The following MALRD1 variants were observed in gnomAD, a reference collection of about 807,000 sequenced individuals.
MALRD1 encodes the protein MAM and LDL receptor class A domain containing 1.
In MALRD1, 247 loss-of-function variants were observed where a neutral mutation model predicts 242.1. That is an observed-to-expected ratio of 1.02 (90% CI 0.92 to 1.13). The LOEUF is 1.13. Ranked by LOEUF, MALRD1 falls within the 50% of genes most tolerant of loss-of-function variation. The pLI, the probability that MALRD1 is intolerant of heterozygous loss-of-function variation, is 0.00. For synonymous variants in MALRD1, 995 were observed against 866.6 expected (o/e 1.15, Z -2.60); for missense variants, 2,989 against 2,533.1 (o/e 1.18, Z -3.86).
intron 11 of MALRD1, among the ~76,000 whole-genome samples, chr10:19,151,150 A>G (rs1833932488): frequency 6.6e-6 from 1 of 152,152 alleles, no homozygotes; most frequent in Admixed American, 6.5e-5. Context: ...GATTTCTCAT[A>G]TGTAATATTT....
intron 29 of MALRD1, among the ~76,000 whole-genome samples, chr10:19,474,430 T>G (rs890200888): frequency 1.4e-4 from 22 of 152,182 alleles, no homozygotes; most frequent in African/African-American, 5.1e-4. Context: ...AGTCTTTGTT[T>G]GCTATAATCT....
intron 14 of MALRD1, among the ~76,000 whole-genome samples, chr10:19,179,864 C>T (rs1332162768): frequency 6.6e-6 from 1 of 152,022 alleles, no homozygotes; most frequent in Admixed American, 6.6e-5. Flanking sequence ...ATATATTTTT[C>T]CACCTTTAAG....
chr10:19,176,535 C>T (rs1006827764), intron 14 of MALRD1, among the ~76,000 whole-genome samples: 18 of 149,140 alleles, frequency 1.2e-4, no homozygotes, highest in South Asian at 2.1e-4. Context: ...CCACCGCGCC[C>T]GGCTAATTTT....
At chr10:19,179,589 G>C (rs1333661329) in intron 14 of MALRD1, among the ~76,000 whole-genome samples, 1 of 152,098 alleles carries the variant, frequency 6.6e-6, no homozygotes, top group African/African-American at 2.4e-5. Flanking sequence ...CTGCATTACA[G>C]CCTGGGTGAC....
intron 18 of MALRD1, among the ~76,000 whole-genome samples, chr10:19,228,912 A>C (rs1217706631): frequency 6.6e-6 from 1 of 152,158 alleles, no homozygotes; most frequent in Non-Finnish European, 1.5e-5. Flanking sequence ...TTCAAAATGA[A>C]AAATTGAAAA....
chr10:19,414,847 C>T (rs1032162201), intron 28 of MALRD1, among the ~76,000 whole-genome samples: 5 of 152,040 alleles, frequency 3.3e-5, no homozygotes, highest in African/African-American at 9.7e-5. Context: ...GCATAACTTT[C>T]TATATAAATA....
At chr10:19,410,313 G>A (rs1386324837) in intron 28 of MALRD1, among the ~76,000 whole-genome samples, 1 of 151,826 alleles carries the variant, frequency 6.6e-6, no homozygotes, top group Admixed American at 6.6e-5. Flanking sequence ...CCCAAGTTTA[G>A]TATAGATTTT....
intron 29 of MALRD1, among the ~76,000 whole-genome samples, chr10:19,454,683 G>A (rs185883749): frequency 2.3e-4 from 34 of 147,732 alleles, no homozygotes; most frequent in Middle Eastern, 6.8e-3. Flanking sequence ...AAATCAAACC[G>A]TTGTAAATCG....
At chr10:19,271,005 G>A (rs1414308515) in intron 19 of MALRD1, among the ~76,000 whole-genome samples, 1 of 152,090 alleles carries the variant, frequency 6.6e-6, no homozygotes, top group Non-Finnish European at 1.5e-5. Context: ...TGAATGGCAA[G>A]TACATAATGC....
chr10:19,102,788 C>G (rs941960910), intron 4 of MALRD1, among the ~76,000 whole-genome samples: 1 of 152,056 alleles, frequency 6.6e-6, no homozygotes, highest in African/African-American at 2.4e-5. Context: ...ATCAATCATA[C>G]CAGAGTATCT....
chr10:19,219,893 C>A (rs558108588), intron 18 of MALRD1, among the ~76,000 whole-genome samples: 2 of 152,160 alleles, frequency 1.3e-5, no homozygotes, highest in East Asian at 3.9e-4. Flanking sequence ...TATTCTAGAA[C>A]ACCACCAGCA....
chr10:19,211,790 G>A (rs2131635687), intron 18 of MALRD1, among the ~76,000 whole-genome samples: 1 of 148,016 alleles, frequency 6.8e-6, no homozygotes, highest in South Asian at 2.2e-4. Flanking sequence ...GATGGACATA[G>A]TTTCTGTTCT....
rs1415463237 is a variant in MALRD1 at position 19,389,510 on chromosome 10, C to T, written c.4746C>T (p.Phe1582=). Reference sequence around the variant, plus strand: ...GCCTTCGGGGTGACAAAGCACACTTCAGGAGTACCATGTGGCGAGAATCCA... The same window carrying T: ...GCCTTCGGGGTGACAAAGCACACTTTAGGAGTACCATGTGGCGAGAATCCA... ...AVGLRGDKAH[F]RSTMWRESSA... The change falls in exon 28 of 40, where the codon TTC becomes TTT. Residue 1582 remains phenylalanine (F), a synonymous_variant. Transcript: ENST00000454679. The T allele has an allele frequency of 1.3e-6, 2 of 1,550,486 alleles. No individual in the cohort carries two copies. Among genetic ancestry groups the T allele is most frequent in the Admixed American group, 2.0e-5 (1 of 50,980 alleles).
At chr10:19,294,777 C>T (rs2496056) in intron 21 of MALRD1, among the ~76,000 whole-genome samples, 21,826 of 151,954 alleles carry the variant, frequency 0.14, 1,858 homozygotes, top group South Asian at 0.36. Context: ...TTTTTTATTG[C>T]TACAAAATTT....
intron 28 of MALRD1, among the ~76,000 whole-genome samples, chr10:19,397,290 C>T (rs943458084): frequency 6.6e-6 from 1 of 152,150 alleles, no homozygotes; most frequent in East Asian, 1.9e-4. Context: ...CTACTCCCTG[C>T]TTCTATGAGA....
chr10:19,502,418 G>T (rs1564395711), intron 31 of MALRD1, among the ~76,000 whole-genome samples: 1 of 152,100 alleles, frequency 6.6e-6, no homozygotes, highest in Non-Finnish European at 1.5e-5. Flanking sequence ...TTCTAAAAAT[G>T]TAGTGTAAAT....
At position 19,161,412 on chromosome 10, in the gene MALRD1, A is replaced by G. The variant is rs908444218; in HGVS notation, c.1657-4225A>G. ...AGATATACCTAATGCTAGATGACACAGTAGTGGGTGCAGCGCACCAGCGTG... is the reference window on the plus strand; with the variant it reads ...AGATATACCTAATGCTAGATGACACGGTAGTGGGTGCAGCGCACCAGCGTG... On this transcript the variant is annotated intron_variant, in intron 12 of 39. Coordinates refer to ENST00000454679, the MANE Select transcript of MALRD1 (RefSeq NM_001142308.3). 9.0e-4 allele frequency among the ~76,000 whole-genome samples: 118 copies of G among 130,862 alleles called. 2 individuals carry two copies. Among genetic ancestry groups the G allele is most frequent in the African/African-American group, 3.0e-3 (111 of 36,460 alleles). The allele number at this position is 130,862 out of a possible 152,430, so 85.9% of individuals were successfully genotyped here.
chr10:19,292,907 A>T (rs1437798850), intron 21 of MALRD1, among the ~76,000 whole-genome samples: 1 of 151,746 alleles, frequency 6.6e-6, no homozygotes, highest in African/African-American at 2.4e-5. Flanking sequence ...AAAAAAAAAA[A>T]AAAAAAAATG....
intron 21 of MALRD1, among the ~76,000 whole-genome samples, chr10:19,302,347 C>T (rs956423928): frequency 6.6e-6 from 1 of 151,738 alleles, no homozygotes; most frequent in Non-Finnish European, 1.5e-5. Flanking sequence ...GTATTCATAA[C>T]AGCATTATTC....
Sources: allele counts gnomAD v4.1 joint callset (sites outside exome capture counted in the v4.1 genomes callset), GRCh38; gene constraint gnomAD v4.1.1; transcripts MANE v1.5; gene names NCBI Gene and HGNC (gene_info 2026-07-23, HGNC 2026-07-21).